Variants in SCP2 observed in about 807,000 individuals in gnomAD.
The protein encoded by SCP2 is sterol carrier protein 2.
SCP2 carries 48 observed loss-of-function variants against 71.4 expected under a neutral mutation model. The observed-to-expected ratio is 0.67, with a 90% CI of 0.53 to 0.86. The LOEUF is 0.86. Ranked by LOEUF, SCP2 falls within the 40% of genes least tolerant of loss-of-function variation. The pLI is 0.00. For missense variants in SCP2, 560 were observed against 655.6 expected (o/e 0.85, Z 1.59); for synonymous variants, 220 against 218.1 (o/e 1.01, Z -0.08).
intron 10 of SCP2, 38 bp from the exon 11 acceptor site, chr1:52,987,991 A>T: frequency 1.0e-6 from 1 of 1,003,400 alleles, no homozygotes; most frequent in Non-Finnish European, 1.6e-6. Context: ...TTCTATTGTT[A>T]CTATTAATAT....
rs1352402629 is a variant in SCP2 at position 53,014,812 on chromosome 1, T to C, written c.1082-78T>C. The C allele has an allele frequency of 2.0e-6, 3 of 1,535,882 alleles. No individual in the cohort carries two copies. The African/African-American group carries it at 4.1e-5, about 21-fold the overall frequency. On this transcript the variant is annotated intron_variant, in intron 11 of 15. Coordinates refer to ENST00000371514, the MANE Select transcript of SCP2 (RefSeq NM_002979.5). ...GCCTCGGCTTAATCAAATGCTTTAA[T>C]TTAAAGTCACAAACATCCCTTTTCT...
intron 1 of SCP2, among the ~76,000 whole-genome samples, chr1:52,938,673 G>A (rs1179931140): frequency 1.3e-5 from 2 of 152,140 alleles, no homozygotes; most frequent in Admixed American, 6.5e-5. Context: ...GCAAAATTGA[G>A]TACAAGGTAC....
chr1:52,992,998 C>A (rs1204613076), intron 11 of SCP2, among the ~76,000 whole-genome samples: 1 of 152,144 alleles, frequency 6.6e-6, no homozygotes, highest in Non-Finnish European at 1.5e-5. Context: ...TTTGAAGCAG[C>A]CTTAGTGTTT....
At chr1:53,024,870 C>A (rs1662011272) in intron 12 of SCP2, among the ~76,000 whole-genome samples, 2 of 151,924 alleles carry the variant, frequency 1.3e-5, no homozygotes, top group South Asian at 4.2e-4. Flanking sequence ...CCACGCCTGC[C>A]CAGAAATGCT....
intron 11 of SCP2, among the ~76,000 whole-genome samples, chr1:53,005,228 A>T (rs1056738739): frequency 4.6e-5 from 7 of 152,162 alleles, no homozygotes; most frequent in Non-Finnish European, 7.3e-5. Context: ...GGCAGCAGAA[A>T]CTTCTGCAGA....
rs1401009689 is a variant in SCP2 at position 52,978,263 on chromosome 1, T to C, written c.721T>C (p.Phe241Leu). The change falls in exon 9 of 16, where the codon TTT (phenylalanine) becomes CTT (leucine). Residue 241 changes from phenylalanine (F) to leucine (L), a missense_variant. Physicochemically the swap from Phe to Leu is conservative, Grantham distance 22. Transcript: ENST00000371514. The stretch of plus-strand genomic sequence containing the variant: ...AGCAGCAATTTTGGCCAGTGAAGCA[T>C]TTGTACAGAAGTATGGCCTGCAATC... ...AAAAILASEAFVQKYGLQSKA... is the reference protein window; with the variant it reads ...AAAAILASEALVQKYGLQSKA... 1 of 1,613,980 alleles carries C rather than the reference T, an allele frequency of 6.2e-7. No homozygotes were observed. Among genetic ancestry groups the C allele is most frequent in the Non-Finnish European group, 8.5e-7 (1 of 1,180,000 alleles).
chr1:52,995,033 A>C (rs767491794), intron 11 of SCP2: 4 of 506,662 alleles, frequency 7.9e-6, no homozygotes, highest in African/African-American at 2.0e-5. Context: ...AACTGGGCCA[A>C]AGGCCACTAC....
At chr1:53,006,276 GA>G (rs1228169140) in intron 11 of SCP2, among the ~76,000 whole-genome samples, 1 of 152,026 alleles carries the variant, frequency 6.6e-6, no homozygotes, top group Non-Finnish European at 1.5e-5. Flanking sequence ...GAAATACATA[GA>G]ACGCCACAAA....
chr1:52,976,418 C>T (rs996307666), intron 7 of SCP2, among the ~76,000 whole-genome samples: 2 of 152,148 alleles, frequency 1.3e-5, no homozygotes, highest in Non-Finnish European at 2.9e-5. Context: ...AACAAAGACA[C>T]TTCTATCATT....
chr1:53,024,761 G>T (rs1662000311), intron 12 of SCP2, among the ~76,000 whole-genome samples: 1 of 151,566 alleles, frequency 6.6e-6, no homozygotes, highest in Admixed American at 6.6e-5. Context: ...TAGTAGAGAC[G>T]GGGTTTCACT....
chr1:52,978,471 C>T (rs1331983450), intron 9 of SCP2, 104 bp downstream of exon 9: 16 of 905,904 alleles, frequency 1.8e-5, no homozygotes, highest in Non-Finnish European at 2.8e-5. Flanking sequence ...ATTAACTAGA[C>T]ATGCTATTTG....
At chr1:52,982,414 C>CA (rs1412613827) in intron 10 of SCP2, among the ~76,000 whole-genome samples, 9 of 151,948 alleles carry the variant, frequency 5.9e-5, no homozygotes, top group South Asian at 4.2e-4. Context: ...ACTAAAAATA[C>CA]AAAAAATTAG....
chr1:53,006,460 G>T (rs1660645158), intron 11 of SCP2, among the ~76,000 whole-genome samples: 1 of 152,178 alleles, frequency 6.6e-6, no homozygotes, highest in Admixed American at 6.5e-5. Flanking sequence ...CCAGAAGAGA[G>T]TGGGGGCCAA....
chr1:52,943,611 TG>T, intron 2 of SCP2: 1 of 427,182 alleles, frequency 2.3e-6, no homozygotes, highest in Non-Finnish European at 4.6e-6. Context: ...GTGCACAGGT[TG>T]GTGTCTTCAA....
At position 52,978,245 on chromosome 1, in the gene SCP2, A is replaced by G. The variant is rs1553148523; in HGVS notation, c.703A>G (p.Ile235Val). ...CACTTCAGATGGTGCTGCAGCAGCA[A>G]TTTTGGCCAGTGAAGCATTTGTACA... ...CPTSDGAAAA[I>V]LASEAFVQKY... is the part of the protein sequence containing the mutation. The change falls in exon 9 of 16, where the codon ATT (isoleucine) becomes GTT (valine). Residue 235 changes from isoleucine (I) to valine (V), a missense_variant. Physicochemically the swap from Ile to Val is conservative, Grantham distance 29 (BLOSUM62 3). Transcript: ENST00000371514. 3.1e-6 allele frequency: 5 copies of G among 1,614,034 alleles called. No individual in the cohort carries two copies. Among genetic ancestry groups the G allele is most frequent in the East Asian group, 4.5e-5 (2 of 44,884 alleles).
chr1:53,000,240 C>A (rs1660224359), intron 11 of SCP2, among the ~76,000 whole-genome samples: 1 of 144,212 alleles, frequency 6.9e-6, no homozygotes, highest in Non-Finnish European at 1.5e-5. Context: ...AAAGCGAGAC[C>A]CTAGTTTCTA....
chr1:52,996,138 T>G (rs1341956666), intron 11 of SCP2: 3 of 457,478 alleles, frequency 6.6e-6, no homozygotes, highest in Non-Finnish European at 1.1e-5. Context: ...AATCTAGATC[T>G]AGAACAGTGC....
At position 53,051,634 on chromosome 1, in the gene SCP2, T is replaced by TTCC. The variant is rs2150283519; in HGVS notation, c.*932_*933insCTC. 8.7e-6 allele frequency: 1 copy of TTCC among 114,636 alleles called. No individual in the cohort carries two copies. The highest frequency in any genetic ancestry group is 1.1e-4 in the Admixed American group (1 of 9,198). 7.1% of individuals were successfully genotyped at this position (114,636 alleles called of 1,614,324 possible). On this transcript the variant is annotated 3_prime_UTR_variant, in exon 16 of 16. Transcript: ENST00000371514. ...GCCTCTCTTGTTTTTACTGTGTATG[T>TTCC]TCTTGCTCAGGGCTCTCTAGATAAT...
At chr1:52,965,270 G>A (rs76606249) in intron 6 of SCP2, among the ~76,000 whole-genome samples, 3,345 of 152,034 alleles carry the variant, frequency 0.022, 50 homozygotes, top group Middle Eastern at 0.041. Flanking sequence ...TTATGTGCAT[G>A]GGTTTTTTTT....
Sources: allele counts gnomAD v4.1 joint callset (sites outside exome capture counted in the v4.1 genomes callset), GRCh38; gene constraint gnomAD v4.1.1; transcripts MANE v1.5; gene names NCBI Gene and HGNC (gene_info 2026-07-23, HGNC 2026-07-21).